Variants in AGAP1 observed in about 807,000 individuals in gnomAD.
The protein encoded by AGAP1 is arf-GAP with GTPase, ANK repeat and PH domain-containing protein 1.
In AGAP1, 29 loss-of-function variants were observed where a neutral mutation model predicts 105.3. That is an observed-to-expected ratio of 0.28 (90% CI 0.21 to 0.38). The LOEUF is 0.38. Among genes scored for constraint, AGAP1 ranks in the 10% least tolerant of loss-of-function variants. AGAP1 has a pLI of 1.00. For synonymous variants in AGAP1, 509 were observed against 485.9 expected (o/e 1.05, Z -0.63); for missense variants, 998 against 1,165.1 (o/e 0.86, Z 2.09).
At position 235,787,689 on chromosome 2, in the gene AGAP1, AG is replaced by A. The variant is rs1420999602; in HGVS notation, c.674-10069del. Among the ~76,000 whole-genome samples the A allele has an allele frequency of 5.0e-4, 76 of 152,346 alleles. No homozygotes were observed. The highest frequency in any genetic ancestry group is 1.8e-3 in the African/African-American group (73 of 41,586). ...TGAGGGATGCTATAAAGCATAGTAA[AG>A]AAACCTTCCTTGACACATTAAAGGG... On this transcript the variant is annotated intron_variant, in intron 6 of 17. Transcript: ENST00000304032. The surrounding 1 kb of genome is among the most constrained non-coding windows in gnomAD (Gnocchi z 4.4).
intron 1 of AGAP1, among the ~76,000 whole-genome samples, chr2:235,683,593 T>C (rs1949208842): frequency 6.6e-6 from 1 of 151,766 alleles, no homozygotes; most frequent in African/African-American, 2.4e-5. Context: ...AGGAATAACT[T>C]GTTAGAAAGG....
intron 8 of AGAP1, among the ~76,000 whole-genome samples, chr2:235,800,536 C>G (rs1399741537): frequency 6.6e-6 from 1 of 152,248 alleles, no homozygotes; most frequent in African/African-American, 2.4e-5. Context: ...GGATTCTACA[C>G]AGTTGAGCCG....
In AGAP1 at chr2:235,982,169, A is replaced by C. The variant is rs375827878; in HGVS notation, c.1645+13546A>C. On this transcript the variant is annotated intron_variant, in intron 13 of 17. Coordinates refer to ENST00000304032, the MANE Select transcript of AGAP1 (RefSeq NM_001037131.3). The surrounding 1 kb of genome is among the most constrained non-coding windows in gnomAD (Gnocchi z 4.9). ...TAATTTTGGAAAGCTGGCATATATA[A>C]TGATGATCTCTTCGCAGCCTGGTAA... 6.6e-6 allele frequency among the ~76,000 whole-genome samples: 1 copy of C among 152,366 alleles called. No individual in the cohort carries two copies. The highest frequency in any genetic ancestry group is 1.9e-4 in the East Asian group (1 of 5,188).
Position 236,035,051 on chromosome 2 carries a change from T to G in AGAP1, c.1646-1510T>G. On this transcript the variant is annotated intron_variant, in intron 13 of 17. Coordinates refer to ENST00000304032, the MANE Select transcript of AGAP1 (RefSeq NM_001037131.3). This position sits in a 1 kb window ranked among gnomAD's most constrained non-coding sequence, Gnocchi z 4.2. Reference sequence around the variant, plus strand: ...CACGTCCCAGGCTGCAGGCGCATTGTGAGGAAGGGCCTGGGAGAGCCAGTC... The same window carrying G: ...CACGTCCCAGGCTGCAGGCGCATTGGGAGGAAGGGCCTGGGAGAGCCAGTC... Among the ~76,000 whole-genome samples the G allele has an allele frequency of 6.6e-6, 1 of 151,824 alleles. No individual in the cohort carries two copies. The highest frequency in any genetic ancestry group is 1.5e-5 in the Non-Finnish European group (1 of 67,974).
rs1306799458 is a variant in AGAP1 at position 235,824,908 on chromosome 2, G to T, written c.1050+17577G>T. Among the ~76,000 whole-genome samples the T allele has an allele frequency of 6.6e-6, 1 of 152,162 alleles. No homozygotes were observed. Among genetic ancestry groups the T allele is most frequent in the Non-Finnish European group, 1.5e-5 (1 of 68,032 alleles). ...CATGTTTTTATGTCTCACGTTTACA[G>T]GCGCTTTTCTGATTTTTCTTTCCCC... On this transcript the variant is annotated intron_variant, in intron 9 of 17. Transcript: ENST00000304032. This position sits in a 1 kb window ranked among gnomAD's most constrained non-coding sequence, Gnocchi z 5.2.
At chr2:235,892,914 G>C (rs1423510174) in intron 10 of AGAP1, among the ~76,000 whole-genome samples, 1 of 152,254 alleles carries the variant, frequency 6.6e-6, no homozygotes, top group Non-Finnish European at 1.5e-5. Flanking sequence ...AAGCTGGGAA[G>C]ACCAAAAAGA....
intron 1 of AGAP1, among the ~76,000 whole-genome samples, chr2:235,654,592 T>A (rs1947713530): frequency 6.6e-6 from 1 of 152,232 alleles, no homozygotes; most frequent in Admixed American, 6.5e-5. Context: ...ATGTGTCTGT[T>A]AGTGGAGATA....
At chr2:235,847,793 C>G (rs1303383136) in intron 9 of AGAP1, among the ~76,000 whole-genome samples, 1 of 152,184 alleles carries the variant, frequency 6.6e-6, no homozygotes, top group Non-Finnish European at 1.5e-5. Flanking sequence ...GCCAAGCTCC[C>G]TGGGGCTCCG....
chr2:235,670,443 T>C lies in AGAP1; in HGVS notation c.164-38736T>C, dbSNP rs998318201. 1.1e-4 allele frequency: 58 copies of C among 549,842 alleles called. 2 individuals carry two copies. In the Admixed American group the frequency reaches 1.4e-3, roughly 13 times the overall value. The allele number at this position is 549,842 out of a possible 1,614,324, so 34.1% of individuals were successfully genotyped here. A position where few individuals can be genotyped will look rare whatever the true frequency, so the allele number is the denominator to read the frequency against. ...CGGCTCCGGCCGTGCGCACGCGGCC[T>C]GGAACCCGCGGACCTGGCCGGCAGC... On this transcript the variant is annotated intron_variant, in intron 1 of 17. Coordinates refer to ENST00000304032, the MANE Select transcript of AGAP1 (RefSeq NM_001037131.3).
At chr2:235,632,657 A>T (rs543919001) in intron 1 of AGAP1, among the ~76,000 whole-genome samples, 58 of 152,240 alleles carry the variant, frequency 3.8e-4, no homozygotes, top group Admixed American at 3.3e-3. Context: ...CAGTTTTTCT[A>T]GCTCCACCTG....
At chr2:235,791,757 AG>A (rs1956991135) in intron 6 of AGAP1, among the ~76,000 whole-genome samples, 1 of 152,092 alleles carries the variant, frequency 6.6e-6, no homozygotes, top group Non-Finnish European at 1.5e-5. Context: ...CATGTTGACC[AG>A]GCTGGTCCAA....
chr2:235,850,927 C>T (rs2048415629), intron 9 of AGAP1, among the ~76,000 whole-genome samples: 1 of 152,192 alleles, frequency 6.6e-6, no homozygotes, highest in African/African-American at 2.4e-5. Flanking sequence ...ACTAACCTGC[C>T]CAAGGGGTTT....
Position 236,027,851 on chromosome 2 carries a change from G to A in AGAP1, c.1646-8710G>A, listed in dbSNP as rs948924865. Among the ~76,000 whole-genome samples, 2 of 152,088 alleles carry A rather than the reference G, an allele frequency of 1.3e-5. No individual in the cohort carries two copies. The highest frequency in any genetic ancestry group is 4.8e-5 in the African/African-American group (2 of 41,410). Reference sequence around the variant, plus strand: ...CCTGCCCTGTGATCACAGGGCCTTTGTGCATGCTACATACACGTCAGAGAC... The same window carrying A: ...CCTGCCCTGTGATCACAGGGCCTTTATGCATGCTACATACACGTCAGAGAC... On this transcript the variant is annotated intron_variant, in intron 13 of 17. Transcript: ENST00000304032. The surrounding 1 kb of genome is among the most constrained non-coding windows in gnomAD (Gnocchi z 4.4).
intron 1 of AGAP1, among the ~76,000 whole-genome samples, chr2:235,536,224 G>A (rs1267858753): frequency 3.7e-4 from 3 of 8,154 alleles, no homozygotes; most frequent in Non-Finnish European, 5.8e-4. Flanking sequence ...CACACACACA[G>A]CAGGACCCTG....
chr2:236,043,419 A>C (rs554889392), intron 15 of AGAP1, among the ~76,000 whole-genome samples: 1 of 152,304 alleles, frequency 6.6e-6, no homozygotes, highest in Admixed American at 6.5e-5. Context: ...GCTACCTTTA[A>C]AAATCATGGA....
chr2:235,563,814 T>C (rs1165705469), intron 1 of AGAP1, among the ~76,000 whole-genome samples: 1 of 152,336 alleles, frequency 6.6e-6, no homozygotes, highest in East Asian at 1.9e-4. Flanking sequence ...TGAATTGGAC[T>C]GTTTGATTTA....
At chr2:235,678,435 T>G (rs1171403630) in intron 1 of AGAP1, among the ~76,000 whole-genome samples, 2 of 152,104 alleles carry the variant, frequency 1.3e-5, no homozygotes, top group Non-Finnish European at 2.9e-5. Flanking sequence ...GGGCTCAGAA[T>G]TAGGAAGTAA....
chr2:235,984,547 C>T (rs544664663), intron 13 of AGAP1, among the ~76,000 whole-genome samples: 1 of 149,052 alleles, frequency 6.7e-6, no homozygotes, highest in Admixed American at 6.7e-5. Context: ...CATAGGTATA[C>T]ATATGCCATG....
chr2:235,746,751 G>T (rs993235042), intron 5 of AGAP1, among the ~76,000 whole-genome samples: 3 of 152,082 alleles, frequency 2.0e-5, no homozygotes, highest in African/African-American at 7.2e-5. Context: ...TCGGGGCTGT[G>T]TGTGCAGACA....
Sources: allele counts gnomAD v4.1 joint callset (sites outside exome capture counted in the v4.1 genomes callset), GRCh38; gene constraint gnomAD v4.1.1; non-coding constraint Gnocchi (gnomAD v3.1); transcripts MANE v1.5; gene names NCBI Gene and HGNC (gene_info 2026-07-23, HGNC 2026-07-21).